The following LIN7A variants were observed in gnomAD, a reference collection of about 807,000 sequenced individuals.
LIN7A encodes the protein lin-7 cell polarity scaffold A.
LIN7A carries 25 observed loss-of-function variants against 29.8 expected under a neutral mutation model. The observed-to-expected ratio is 0.84, with a 90% CI of 0.61 to 1.17. The LOEUF (loss-of-function observed/expected upper bound fraction) is 1.17. Among genes scored for constraint, LIN7A ranks in the 50% most tolerant of loss-of-function variants. The pLI, the probability that LIN7A is intolerant of heterozygous loss-of-function variation, is 0.00. For synonymous variants in LIN7A, 118 were observed against 107.5 expected, an observed-to-expected ratio of 1.10 and a Z score of -0.60; for missense variants, 239 against 287.0, an observed-to-expected ratio of 0.83 and a Z score of 1.21.
chr12:80,811,468 T>G lies in LIN7A; in HGVS notation c.699A>C (p.Ser233=). Residue 233 remains serine, a synonymous_variant, in exon 5 of 6, where the codon TCA becomes TCC. Transcript: ENST00000552864. ...TATAGAATAAGTCACTTCTCACCTA[T>G]GACATGTGGTTTTGTTGTGTTTGTT... ...QQQQTQQNHM[S] is the part of the protein sequence containing the mutation. 8 of 1,284,022 alleles carry G rather than the reference T, an allele frequency of 6.2e-6. No homozygotes were observed. Among genetic ancestry groups the G allele is most frequent in the South Asian group, 1.2e-5 (1 of 80,334 alleles). 79.5% of individuals were successfully genotyped at this position (1,284,022 alleles called of 1,614,324 possible). A position where few individuals can be genotyped will look rare whatever the true frequency, so the allele number is the denominator to read the frequency against.
chr12:80,915,894 G>A (rs542122451), intron 1 of LIN7A, among the ~76,000 whole-genome samples: 1 of 152,312 alleles, frequency 6.6e-6, no homozygotes, highest in South Asian at 2.1e-4. Context: ...GAGGGAGAGA[G>A]AGGGGCAAGA....
chr12:80,896,142 C>T (rs1875881466), intron 1 of LIN7A, among the ~76,000 whole-genome samples: 1 of 152,094 alleles, frequency 6.6e-6, no homozygotes, highest in Admixed American at 6.5e-5. Flanking sequence ...GGAAAATGAC[C>T]TTTGGACTGA....
intron 1 of LIN7A, among the ~76,000 whole-genome samples, chr12:80,896,022 A>G (rs1158272320): frequency 6.6e-6 from 1 of 152,216 alleles, no homozygotes; most frequent in Non-Finnish European, 1.5e-5. Context: ...GGTGACTTTA[A>G]AGGTGCTTTT....
chr12:80,803,951 G>T (rs78307033), intron 5 of LIN7A, among the ~76,000 whole-genome samples: 1 of 152,192 alleles, frequency 6.6e-6, no homozygotes, highest in African/African-American at 2.4e-5. Flanking sequence ...ATAAGAGCAA[G>T]AGGCTTTAAA....
chr12:80,922,165 G>C (rs967804453), intron 1 of LIN7A, among the ~76,000 whole-genome samples: 1 of 152,184 alleles, frequency 6.6e-6, no homozygotes, highest in South Asian at 2.1e-4. Flanking sequence ...GTTTACTTAG[G>C]TAGAACATCT....
chr12:80,927,759 G>A (rs1877681679), intron 1 of LIN7A, among the ~76,000 whole-genome samples: 1 of 152,098 alleles, frequency 6.6e-6, no homozygotes, highest in African/African-American at 2.4e-5. Flanking sequence ...TGCACAATGT[G>A]CAGGTTTGTT....
At chr12:80,903,302 G>A (rs1263771539) in intron 1 of LIN7A, among the ~76,000 whole-genome samples, 3 of 151,930 alleles carry the variant, frequency 2.0e-5, no homozygotes, top group Non-Finnish European at 2.9e-5. Flanking sequence ...TTTTAGTGTA[G>A]CTATTATTGT....
intron 4 of LIN7A, among the ~76,000 whole-genome samples, chr12:80,838,003 T>G (rs1419724972): frequency 6.6e-6 from 1 of 152,074 alleles, no homozygotes; most frequent in East Asian, 1.9e-4. Flanking sequence ...ATTGCTAAAA[T>G]AACAGCACAA....
chr12:80,861,986 C>A (rs1040844241), intron 2 of LIN7A, among the ~76,000 whole-genome samples: 1 of 152,130 alleles, frequency 6.6e-6, no homozygotes, highest in Non-Finnish European at 1.5e-5. Flanking sequence ...TTTAAAGGAG[C>A]CATCATCAAT....
At chr12:80,835,023 T>C (rs1282604158) in intron 4 of LIN7A, among the ~76,000 whole-genome samples, 1 of 152,192 alleles carries the variant, frequency 6.6e-6, no homozygotes, top group Non-Finnish European at 1.5e-5. Context: ...TCACTGGTAA[T>C]TGGGCTTGGT....
intron 1 of LIN7A, among the ~76,000 whole-genome samples, chr12:80,927,155 C>CTTTTTTTTTTTTTTTTTTT (rs929026269): frequency 2.1e-3 from 156 of 75,554 alleles, no homozygotes; most frequent in Non-Finnish European, 2.4e-3. Context: ...TTTTCTTTTT[C>CTTTTTTTTTTTTTTTTTTT]TTTTTTTTTT....
At chr12:80,881,406 A>T (rs905370178) in intron 2 of LIN7A, among the ~76,000 whole-genome samples, 1 of 152,210 alleles carries the variant, frequency 6.6e-6, no homozygotes, top group Non-Finnish European at 1.5e-5. Flanking sequence ...ATAATGTCAG[A>T]TGCATTTTCA....
intron 5 of LIN7A, among the ~76,000 whole-genome samples, chr12:80,808,937 C>T (rs1871164065): frequency 6.6e-6 from 1 of 151,752 alleles, no homozygotes; most frequent in Non-Finnish European, 1.5e-5. Context: ...TAGGACAAAT[C>T]CCTATCTTTT....
intron 1 of LIN7A, among the ~76,000 whole-genome samples, chr12:80,905,329 TAAG>T: frequency 6.6e-6 from 1 of 152,242 alleles, no homozygotes; most frequent in East Asian, 1.9e-4. Context: ...GATATGGTTT[TAAG>T]AAGATTATAC....
At chr12:80,832,248 G>A (rs781103853) in intron 4 of LIN7A, among the ~76,000 whole-genome samples, 1 of 152,102 alleles carries the variant, frequency 6.6e-6, no homozygotes, top group Non-Finnish European at 1.5e-5. Flanking sequence ...ATCAAAGTAA[G>A]CTCCCTTAGG....
intron 1 of LIN7A, among the ~76,000 whole-genome samples, chr12:80,915,943 G>GTGA (rs1385828904): frequency 6.6e-6 from 1 of 152,078 alleles, no homozygotes; most frequent in Non-Finnish European, 1.5e-5. Flanking sequence ...CACTGCCTGG[G>GTGA]TGATGGATTC....
chr12:80,919,983 CAT>C (rs1877220845), intron 1 of LIN7A, among the ~76,000 whole-genome samples: 1 of 152,184 alleles, frequency 6.6e-6, no homozygotes, highest in Non-Finnish European at 1.5e-5. Context: ...CTCGGTGACA[CAT>C]GTGCACAGTG....
intron 2 of LIN7A, among the ~76,000 whole-genome samples, chr12:80,851,323 C>T (rs7296882): frequency 0.77 from 116,412 of 151,628 alleles, 45,504 homozygotes; most frequent in East Asian, 0.97. Context: ...TATATGAAGA[C>T]TTAGTGGAAT....
At chr12:80,822,178 G>T (rs1022977223) in intron 4 of LIN7A, among the ~76,000 whole-genome samples, 1 of 152,208 alleles carries the variant, frequency 6.6e-6, no homozygotes, top group African/African-American at 2.4e-5. Context: ...CTACATGGCA[G>T]CAGGCAAAGA....
Sources: allele counts gnomAD v4.1 joint callset (sites outside exome capture counted in the v4.1 genomes callset), GRCh38; gene constraint gnomAD v4.1.1; transcripts MANE v1.5; gene names NCBI Gene and HGNC (gene_info 2026-07-23, HGNC 2026-07-21).